The following MLIP variants were observed in gnomAD, a reference collection of about 807,000 sequenced individuals.
MLIP encodes the protein muscular LMNA-interacting protein.
Under a neutral mutation model 84.8 loss-of-function variants are expected in MLIP, and 79 were observed. That is an observed-to-expected ratio of 0.93 (90% CI 0.78 to 1.12). MLIP has a LOEUF of 1.12. MLIP is among the 50% of genes most tolerant of loss of function. MLIP has a pLI of 0.00. For missense variants in MLIP, 1,257 were observed against 1,160.6 expected, an observed-to-expected ratio of 1.08 and a Z score of -1.21; for synonymous variants, 504 against 463.0, an observed-to-expected ratio of 1.09 and a Z score of -1.14.
Position 54,244,530 on chromosome 6 carries a change from T to C in MLIP, c.2923-12778T>C, listed in dbSNP as rs558869165. On this transcript the variant is annotated intron_variant, in intron 12 of 13. Coordinates refer to ENST00000502396, the MANE Select transcript of MLIP (RefSeq NM_001281747.2). ...GACTTTTAACATTAAAAAATGAATG[T>C]CAATGAGCAGATATTTTAAGAGAAG... Among the ~76,000 whole-genome samples, 3 of 152,286 alleles carry C rather than the reference T, an allele frequency of 2.0e-5. No individual in the cohort carries two copies. In the South Asian group the frequency reaches 6.2e-4, roughly 32 times the overall value.
At chr6:54,223,271 G>T (rs1212344431) in intron 11 of MLIP, among the ~76,000 whole-genome samples, 2 of 146,524 alleles carry the variant, frequency 1.4e-5, no homozygotes, top group East Asian at 2.0e-4. Context: ...TTTTGCTTTT[G>T]GTGTCTGTTC....
Position 54,137,732 on chromosome 6 carries a change from C to T in MLIP, c.1663C>T (p.Pro555Ser), listed in dbSNP as rs770396220. Residue 555 changes from proline (P) to serine (S), a missense_variant, in exon 4 of 14, where the codon CCA (proline) becomes TCA (serine). Pro to Ser is a moderately conservative substitution (Grantham distance 74). Coordinates refer to ENST00000502396, the MANE Select transcript of MLIP (RefSeq NM_001281747.2). ...TTCTGTGGGTCTTCCTCCTGTTCCA[C>T]CAAGCTCTTCTCTTTCCTCTTTGAA... ...SSSVGLPPVP[P>S]SSSLSSLKSK... 1 of 1,536,106 alleles carries T rather than the reference C, an allele frequency of 6.5e-7. No individual in the cohort carries two copies. Among genetic ancestry groups the T allele is most frequent in the Non-Finnish European group, 8.7e-7 (1 of 1,146,894 alleles).
intron 13 of MLIP, among the ~76,000 whole-genome samples, chr6:54,264,715 A>C (rs538400930): frequency 1.3e-5 from 2 of 152,200 alleles, no homozygotes; most frequent in Non-Finnish European, 2.9e-5. Flanking sequence ...ATTTGTTAGA[A>C]AAATTAATGA....
intron 1 of MLIP, among the ~76,000 whole-genome samples, chr6:54,036,674 T>G (rs750559112): frequency 6.6e-6 from 1 of 151,962 alleles, no homozygotes; most frequent in Non-Finnish European, 1.5e-5. Context: ...AAAAACAATA[T>G]GGAGGTTCCT....
intron 1 of MLIP, among the ~76,000 whole-genome samples, chr6:54,035,301 TTTTGTTTCTGAGTA>T (rs558594584): frequency 9.9e-5 from 15 of 152,262 alleles, no homozygotes; most frequent in African/African-American, 3.4e-4. Context: ...CACAGTTTCT[TTTTGTTTCTGAGTA>T]TTATTCCATG....
chr6:54,185,325 T>G (rs1361407149), intron 9 of MLIP, among the ~76,000 whole-genome samples: 2 of 152,136 alleles, frequency 1.3e-5, no homozygotes, highest in Non-Finnish European at 1.5e-5. Context: ...CACTCCACAT[T>G]GTGGTTTACA....
At chr6:54,237,666 G>A (rs1229169368) in intron 12 of MLIP, among the ~76,000 whole-genome samples, 2 of 141,684 alleles carry the variant, frequency 1.4e-5, no homozygotes, top group African/African-American at 2.9e-5. Flanking sequence ...GACGACATAG[G>A]GAGACTGTCT....
At chr6:54,052,951 G>A (rs565720693) in intron 1 of MLIP, among the ~76,000 whole-genome samples, 1 of 152,236 alleles carries the variant, frequency 6.6e-6, no homozygotes, top group East Asian at 1.9e-4. Flanking sequence ...TATGTGGATT[G>A]GGGAAATTGT....
At chr6:54,118,952 C>T (rs1419440723) in intron 1 of MLIP, among the ~76,000 whole-genome samples, 2 of 152,256 alleles carry the variant, frequency 1.3e-5, no homozygotes, top group South Asian at 4.1e-4. Flanking sequence ...AAAAGATGCT[C>T]ATTGTTGCTA....
chr6:54,057,577 T>C (rs1765733369), intron 1 of MLIP, among the ~76,000 whole-genome samples: 1 of 152,182 alleles, frequency 6.6e-6, no homozygotes, highest in Non-Finnish European at 1.5e-5. Flanking sequence ...CTCAAACTTT[T>C]CTCCTTCTGC....
At position 54,164,211 on chromosome 6, in the gene MLIP, C is replaced by T. The variant is rs189496654; in HGVS notation, c.2499+3412C>T. On this transcript the variant is annotated intron_variant, in intron 8 of 13. Transcript: ENST00000502396. ...CAATCTTTTCTTCCCCTTACATTTTCGGTAACTTTTGATCATTATTTTTAC... is the reference window on the plus strand; with the variant it reads ...CAATCTTTTCTTCCCCTTACATTTTTGGTAACTTTTGATCATTATTTTTAC... Among the ~76,000 whole-genome samples, 1,344 of 151,974 alleles carry T rather than the reference C, an allele frequency of 8.8e-3. 26 individuals are homozygous for T. The highest frequency in any genetic ancestry group is 0.029 in the African/African-American group (1,223 of 41,496).
intron 1 of MLIP, among the ~76,000 whole-genome samples, chr6:54,075,072 AC>A (rs1173781675): frequency 6.6e-6 from 1 of 151,728 alleles, no homozygotes; most frequent in Non-Finnish European, 1.5e-5. Flanking sequence ...ACATGGAGAA[AC>A]CCCAGCTCTA....
intron 5 of MLIP, among the ~76,000 whole-genome samples, chr6:54,149,804 A>C (rs982447561): frequency 1.3e-5 from 2 of 152,158 alleles, no homozygotes; most frequent in South Asian, 4.1e-4. Context: ...AGGCTGTTAC[A>C]TAAGTAGGTA....
At chr6:54,225,189 A>G (rs1780494028) in intron 11 of MLIP, among the ~76,000 whole-genome samples, 1 of 152,130 alleles carries the variant, frequency 6.6e-6, no homozygotes, top group South Asian at 2.1e-4. Context: ...CAACTGTACT[A>G]GTTAGGGGAA....
At chr6:54,123,152 A>G (rs1298471) in intron 2 of MLIP, among the ~76,000 whole-genome samples, 146,263 of 149,288 alleles carry the variant, frequency 0.98, 71,699 homozygotes, top group East Asian at 1. Context: ...AGCCAGGATG[A>G]TCTCGATCTC....
chr6:54,141,639 C>CT (rs11327719), intron 4 of MLIP, among the ~76,000 whole-genome samples: 9 of 151,854 alleles, frequency 5.9e-5, no homozygotes, highest in Non-Finnish European at 1.2e-4. Context: ...TTGTCTGAGA[C>CT]TTTTTTTTCC....
intron 10 of MLIP, among the ~76,000 whole-genome samples, chr6:54,197,874 G>A (rs1778407806): frequency 6.6e-6 from 1 of 152,130 alleles, no homozygotes; most frequent in Non-Finnish European, 1.5e-5. Context: ...TTTGGACACA[G>A]ATGTAACAAA....
chr6:54,133,042 A>T (rs373025487), intron 3 of MLIP, among the ~76,000 whole-genome samples: 6 of 152,172 alleles, frequency 3.9e-5, no homozygotes, highest in African/African-American at 1.4e-4. Flanking sequence ...AATAGCTAGA[A>T]TGTTGGCAAT....
At chr6:54,045,052 A>T (rs1358637573) in intron 1 of MLIP, among the ~76,000 whole-genome samples, 1 of 152,144 alleles carries the variant, frequency 6.6e-6, no homozygotes, top group Non-Finnish European at 1.5e-5. Flanking sequence ...CTTCAGTAGA[A>T]ATTCATGAGG....
Sources: allele counts gnomAD v4.1 joint callset (sites outside exome capture counted in the v4.1 genomes callset), GRCh38; gene constraint gnomAD v4.1.1; transcripts MANE v1.5; gene names NCBI Gene and HGNC (gene_info 2026-07-23, HGNC 2026-07-21).